Variants in RTN4 observed in about 807,000 individuals in gnomAD.
RTN4 encodes the protein reticulon 4.
In RTN4, 32 loss-of-function variants were observed where a neutral mutation model predicts 90.4. That is an observed-to-expected ratio of 0.35 (90% confidence interval 0.27 to 0.48). The LOEUF (loss-of-function observed/expected upper bound fraction) is 0.48. Ranked by LOEUF, RTN4 falls within the 20% of genes least tolerant of loss-of-function variation. The pLI is 0.99. For missense variants in RTN4, 1,706 were observed against 1,430.2 expected, an observed-to-expected ratio of 1.19 and a Z score of -3.11; for synonymous variants, 629 against 552.5, an observed-to-expected ratio of 1.14 and a Z score of -1.94.
chr2:55,051,538 T>C (rs377600783), upstream of RTN4, among the ~76,000 whole-genome samples: 1 of 152,212 alleles, frequency 6.6e-6, no homozygotes, highest in South Asian at 2.1e-4. Context: ...GATCCTTTTA[T>C]CTTTCTGATT....
At chr2:55,071,588 T>A (rs1668515068) in intron 2 of RTN4, among the ~76,000 whole-genome samples, 2 of 146,440 alleles carry the variant, frequency 1.4e-5, no homozygotes, top group African/African-American at 2.5e-5. Flanking sequence ...CTTCTGCTAA[T>A]GCAGAGAATA....
chr2:55,071,908 C>T (rs1668521110), intron 2 of RTN4, among the ~76,000 whole-genome samples: 1 of 151,978 alleles, frequency 6.6e-6, no homozygotes, highest in South Asian at 2.1e-4. Flanking sequence ...TTTTGGAACC[C>T]CAAAGAGATT....
chr2:54,985,591 T>A (rs1277778653), intron 4 of RTN4, among the ~76,000 whole-genome samples: 1 of 152,186 alleles, frequency 6.6e-6, no homozygotes, highest in Non-Finnish European at 1.5e-5. Flanking sequence ...TTAAAATATG[T>A]ACATAAAAGG....
At chr2:55,006,348 T>A (rs1429838878) in intron 3 of RTN4, among the ~76,000 whole-genome samples, 1 of 152,134 alleles carries the variant, frequency 6.6e-6, no homozygotes, top group Non-Finnish European at 1.5e-5. Flanking sequence ...GCCCCATAAT[T>A]AATTAATGCC....
At chr2:54,981,874 G>A (rs1055486091) in intron 5 of RTN4, among the ~76,000 whole-genome samples, 6 of 151,450 alleles carry the variant, frequency 4.0e-5, no homozygotes, top group South Asian at 4.2e-4. Context: ...TGCATTAGAC[G>A]ATCTTTATGC....
chr2:55,129,455 C>A, the RTN4 span, among the ~76,000 whole-genome samples: 1 of 152,092 alleles, frequency 6.6e-6, no homozygotes, highest in Non-Finnish European at 1.5e-5. Context: ...TAACACATAG[C>A]TGTAGTCCCA....
chr2:55,028,995 C>G (rs1409332314), intron 1 of RTN4, among the ~76,000 whole-genome samples: 1 of 152,132 alleles, frequency 6.6e-6, no homozygotes. Context: ...AAAGCCCCAA[C>G]CCCTAAAGTG....
intron 3 of RTN4, chr2:55,010,176 A>G: frequency 6.2e-7 from 1 of 1,610,652 alleles, no homozygotes; most frequent in Non-Finnish European, 8.5e-7. Context: ...ACCAACAGAA[A>G]AGCTGTAACT....
chr2:55,128,517 C>G, the RTN4 span, among the ~76,000 whole-genome samples: 1 of 152,260 alleles, frequency 6.6e-6, no homozygotes, highest in Non-Finnish European at 1.5e-5. Context: ...CTACCAGATT[C>G]TGTCCCCTGG....
At chr2:55,085,196 G>A (rs911066870) in intron 1 of RTN4, among the ~76,000 whole-genome samples, 2 of 152,116 alleles carry the variant, frequency 1.3e-5, no homozygotes, top group Non-Finnish European at 2.9e-5. Flanking sequence ...GTGTGTGTGT[G>A]CGTAGACATA....
Position 55,025,439 on chromosome 2 carries a change from C to A in RTN4, c.2660G>T (p.Arg887Met). The A allele has an allele frequency of 6.2e-7, 1 of 1,613,812 alleles. No individual in the cohort carries two copies. The highest frequency in any genetic ancestry group is 8.5e-7 in the Non-Finnish European group (1 of 1,179,850). The stretch of plus-strand genomic sequence containing the variant: ...GGATACTTCTAGGTCAGTATATTCC[C>A]TGGCTAATTTAGAAAATGAATCAGT... ...SKTDSFSKLA[R>M]EYTDLEVSHK... Residue 887 changes from arginine to methionine, a missense_variant, in exon 3 of 9, where the codon AGG (arginine) becomes ATG (methionine). Physicochemically the swap from Arg to Met is moderately conservative, Grantham distance 91 (BLOSUM62 -1). Coordinates refer to ENST00000337526, the MANE Select transcript of RTN4 (RefSeq NM_020532.5).
At chr2:55,126,666 C>T in the RTN4 span, among the ~76,000 whole-genome samples, 1 of 152,132 alleles carries the variant, frequency 6.6e-6, no homozygotes, top group Non-Finnish European at 1.5e-5. Context: ...CCCAGCAATC[C>T]CATTATTGGG....
At chr2:55,062,511 C>T (rs747777742) in intron 2 of RTN4, among the ~76,000 whole-genome samples, 1 of 152,228 alleles carries the variant, frequency 6.6e-6, no homozygotes, top group Non-Finnish European at 1.5e-5. Flanking sequence ...ACTCCTATCG[C>T]ATGCCCTGAG....
the RTN4 span, among the ~76,000 whole-genome samples, chr2:55,125,238 C>G: frequency 6.6e-6 from 1 of 152,088 alleles, no homozygotes. Context: ...GCTATCGCAA[C>G]GAAAGCAAAA....
intron 1 of RTN4, among the ~76,000 whole-genome samples, chr2:55,032,132 G>GTA (rs1402649993): frequency 2.0e-5 from 3 of 151,978 alleles, no homozygotes; most frequent in Non-Finnish European, 2.9e-5. Flanking sequence ...CCAGGCTGGA[G>GTA]TACAGCGGGG....
chr2:55,090,081 T>G (rs539059005), intron 1 of RTN4, among the ~76,000 whole-genome samples: 1 of 152,150 alleles, frequency 6.6e-6, no homozygotes, highest in Non-Finnish European at 1.5e-5. Flanking sequence ...TTCTCCTGAG[T>G]CTTTGGTAGA....
At chr2:55,121,831 G>A in the RTN4 span, among the ~76,000 whole-genome samples, 27 of 152,002 alleles carry the variant, frequency 1.8e-4, no homozygotes, top group African/African-American at 5.8e-4. Flanking sequence ...TCAGGGTACC[G>A]AGAACATGAG....
intron 3 of RTN4, among the ~76,000 whole-genome samples, chr2:54,988,317 C>CA (rs971512579): frequency 6.6e-6 from 1 of 151,780 alleles, no homozygotes; most frequent in Non-Finnish European, 1.5e-5. Flanking sequence ...ACTCTGTCTC[C>CA]AAAAAAATCA....
chr2:54,973,324 C>T lies in RTN4; in HGVS notation c.3537-126G>A, dbSNP rs1047611337. 4.1e-6 allele frequency: 4 copies of T among 976,124 alleles called. No homozygotes were observed. In the African/African-American group the frequency reaches 6.6e-5, roughly 16 times the overall value. 60.5% of individuals were successfully genotyped at this position (976,124 alleles called of 1,614,324 possible). A position where few individuals can be genotyped will look rare whatever the true frequency, so the allele number is the denominator to read the frequency against. ...ATGAAATCCTTAAAGCTGCCTAATT[C>T]TAAGCTATAATTTTGCCACCTTGGC... On this transcript the variant is annotated intron_variant, in intron 8 of 8. Coordinates refer to ENST00000337526, the MANE Select transcript of RTN4 (RefSeq NM_020532.5).
Sources: allele counts gnomAD v4.1 joint callset (sites outside exome capture counted in the v4.1 genomes callset), GRCh38; gene constraint gnomAD v4.1.1; transcripts MANE v1.5; gene names NCBI Gene and HGNC (gene_info 2026-07-23, HGNC 2026-07-21).